TMEFF1: variants seen among roughly 807,000 people sequenced by gnomAD.
TMEFF1 encodes the protein transmembrane protein with EGF like and two follistatin like domains 1, also known as tomoregulin-1.
A neutral mutation model predicts 47.5 loss-of-function variants in TMEFF1; 20 were observed. The ratio of observed to expected loss-of-function variants is 0.42; its 90% CI spans 0.30 to 0.61. The LOEUF (loss-of-function observed/expected upper bound fraction) is 0.61, where lower values mean the gene tolerates loss of function less well. Among genes scored for constraint, TMEFF1 ranks in the 20% least tolerant of loss-of-function variants. The pLI, the probability that TMEFF1 is intolerant of heterozygous loss-of-function variation, is 0.19. For synonymous variants in TMEFF1, 162 were observed against 166.3 expected (o/e 0.97, Z 0.20); for missense variants, 411 against 471.1 (o/e 0.87, Z 1.18).
intron 3 of TMEFF1, among the ~76,000 whole-genome samples, chr9:100,510,797 C>T (rs1009967370): frequency 6.6e-6 from 1 of 152,028 alleles, no homozygotes; most frequent in Non-Finnish European, 1.5e-5. Flanking sequence ...TATTGGGGCT[C>T]ATTATGTAAG....
At chr9:100,513,609 A>G (rs1252433721) in intron 4 of TMEFF1, among the ~76,000 whole-genome samples, 1 of 149,428 alleles carries the variant, frequency 6.7e-6, no homozygotes, top group Non-Finnish European at 1.5e-5. Context: ...TCCTAACCCA[A>G]CTCTCCCTCT....
intron 5 of TMEFF1, among the ~76,000 whole-genome samples, chr9:100,532,310 C>A (rs1383195432): frequency 5.3e-5 from 8 of 152,218 alleles, no homozygotes; most frequent in Admixed American, 2.0e-4. Context: ...AGGCAACCTA[C>A]AAAATGGGAG....
chr9:100,486,303 C>T (rs1310087050), intron 1 of TMEFF1, among the ~76,000 whole-genome samples: 2 of 152,184 alleles, frequency 1.3e-5, no homozygotes, highest in African/African-American at 2.4e-5. Flanking sequence ...AGTGCAATGA[C>T]GTGATCTCGG....
chr9:100,554,168 T>C (rs562313445), intron 7 of TMEFF1, among the ~76,000 whole-genome samples: 4 of 152,310 alleles, frequency 2.6e-5, no homozygotes, highest in Admixed American at 2.0e-4. Flanking sequence ...ATACCTGAGA[T>C]AGCGAGATAG....
intron 3 of TMEFF1, among the ~76,000 whole-genome samples, chr9:100,510,938 C>T (rs967845636): frequency 1.6e-4 from 25 of 152,236 alleles, no homozygotes; most frequent in South Asian, 6.2e-4. Context: ...AAGACTTAGA[C>T]GTGGCCCAAC....
chr9:100,559,062 T>G (rs1472067222), intron 7 of TMEFF1, among the ~76,000 whole-genome samples: 1 of 152,146 alleles, frequency 6.6e-6, no homozygotes, highest in African/African-American at 2.4e-5. Flanking sequence ...AGCCATTATA[T>G]GTACTACATT....
At chr9:100,561,680 A>G (rs1272315271) in intron 8 of TMEFF1, among the ~76,000 whole-genome samples, 160 bp downstream of exon 8, 4 of 152,310 alleles carry the variant, frequency 2.6e-5, no homozygotes, top group Admixed American at 2.6e-4. Flanking sequence ...GGAAAAAAAA[A>G]CTGGCAAGTA....
chr9:100,516,725 C>A lies in TMEFF1; in HGVS notation c.514C>A (p.Pro172Thr). 2 of 1,613,708 alleles carry A rather than the reference C, an allele frequency of 1.2e-6. No homozygotes were observed. The highest frequency in any genetic ancestry group is 1.7e-5 in the Admixed American group (1 of 59,942). Residue 172 changes from proline (P) to threonine (T), a missense_variant, in exon 5 of 10, where the codon CCC (proline) becomes ACC (threonine). Physicochemically the swap from Pro to Thr is conservative, Grantham distance 38. Transcript: ENST00000374879. ...TCACAGAAAACACTCCAAGTGTGGA[C>A]CCTGCAAATATAAAGCTGAGTGTGA... ...EVHRKHSKCG[P>T]CKYKAECDED...
chr9:100,480,076 G>T (rs1405449940), intron 1 of TMEFF1, among the ~76,000 whole-genome samples: 1 of 152,160 alleles, frequency 6.6e-6, no homozygotes, highest in Non-Finnish European at 1.5e-5. Context: ...TGGGTGTGAA[G>T]TTATGTATCA....
intron 5 of TMEFF1, among the ~76,000 whole-genome samples, chr9:100,520,750 G>T (rs1486184914): frequency 6.6e-6 from 1 of 152,156 alleles, no homozygotes; most frequent in East Asian, 1.9e-4. Flanking sequence ...AGTAGAGCAA[G>T]GAAGTATTAT....
At chr9:100,573,944 A>G (rs903140197) in intron 9 of TMEFF1, among the ~76,000 whole-genome samples, 4 of 152,266 alleles carry the variant, frequency 2.6e-5, no homozygotes, top group African/African-American at 7.2e-5. Context: ...GAAGATAGGG[A>G]AAACACATTT....
intron 7 of TMEFF1, 58 bp from the exon 8 acceptor site, chr9:100,561,339 G>A: frequency 1.3e-6 from 2 of 1,581,356 alleles, no homozygotes; most frequent in South Asian, 2.3e-5. Context: ...CATTTGAAAA[G>A]TCCTTATTTT....
At chr9:100,554,613 T>C (rs990668179) in intron 7 of TMEFF1, among the ~76,000 whole-genome samples, 1 of 151,698 alleles carries the variant, frequency 6.6e-6, no homozygotes, top group African/African-American at 2.4e-5. Flanking sequence ...TCAGGGCTGG[T>C]GTGGAGGACA....
chr9:100,483,500 A>AAAACAAACAAAC (rs57384867), intron 1 of TMEFF1, among the ~76,000 whole-genome samples: 1,777 of 150,602 alleles, frequency 0.012, 18 homozygotes, highest in East Asian at 0.02. Flanking sequence ...AACATCTCAA[A>AAAACAAACAAAC]AAACAAACAA....
rs1446138819 is a variant in TMEFF1 at position 100,480,179 on chromosome 9, T to A, written c.196+6439T>A. On this transcript the variant is annotated intron_variant, in intron 1 of 9. Transcript: ENST00000374879. ...TATCTGTATATCTTCTTTGGAGAAA[T>A]GTCTATTCAGATCCTTTGCTGGGCT... is the stretch of plus-strand genomic sequence containing the variant. 3.3e-5 allele frequency among the ~76,000 whole-genome samples: 5 copies of A among 152,088 alleles called. No individual in the cohort carries two copies. The East Asian group carries it at 5.8e-4, about 18-fold the overall frequency.
At chr9:100,476,335 GCA>G (rs1246245528) in intron 1 of TMEFF1, among the ~76,000 whole-genome samples, 3 of 151,942 alleles carry the variant, frequency 2.0e-5, no homozygotes, top group Non-Finnish European at 4.4e-5. Context: ...TCGAAATTGT[GCA>G]CAGTTTGTTT....
intron 5 of TMEFF1, among the ~76,000 whole-genome samples, chr9:100,539,156 T>G (rs1838574375): frequency 6.6e-6 from 1 of 152,214 alleles, no homozygotes; most frequent in Non-Finnish European, 1.5e-5. Context: ...TCCGCCTGCC[T>G]CATCCTCCCA....
chr9:100,513,194 G>A, intron 3 of TMEFF1, 113 bp from the exon 4 acceptor site: 1 of 1,390,650 alleles, frequency 7.2e-7, no homozygotes, highest in African/African-American at 1.5e-5. Flanking sequence ...TATGAGAAAA[G>A]GACTCTTTGA....
chr9:100,577,069 T>G lies in TMEFF1; in HGVS notation c.*469T>G, dbSNP rs1220200693. 6.5e-6 allele frequency: 1 copy of G among 154,166 alleles called. No homozygotes were observed. Among genetic ancestry groups the G allele is most frequent in the Non-Finnish European group, 1.4e-5 (1 of 68,996 alleles). The allele number at this position is 154,166 out of a possible 1,614,324, so 9.5% of individuals were successfully genotyped here. A position where few individuals can be genotyped will look rare whatever the true frequency, so the allele number is the denominator to read the frequency against. ...TAACTGATTTTTTAGACACTGCCTA[T>G]CGCATGAACTGTAAAGCTGTGTGTA... On this transcript the variant is annotated 3_prime_UTR_variant, in exon 10 of 10. Transcript: ENST00000374879.
Sources: gnomAD v4.1 joint callset for allele counts (sites outside exome capture counted in the v4.1 genomes callset) on GRCh38, gnomAD v4.1.1 for gene constraint, MANE v1.5 for transcripts, NCBI Gene and HGNC (gene_info 2026-07-23, HGNC 2026-07-21) for gene names.